ENO4: variants seen among roughly 807,000 people sequenced by gnomAD.
The protein encoded by ENO4 is 2-phospho-D-glycerate hydro-lyase.
ENO4 carries 53 observed loss-of-function variants against 63.2 expected under a neutral mutation model. The observed-to-expected ratio is 0.84, with a 90% CI of 0.67 to 1.05. The LOEUF is 1.05. Ranked by LOEUF, ENO4 falls within the 50% of genes least tolerant of loss-of-function variation. ENO4 has a pLI of 0.00. For synonymous variants in ENO4, 266 were observed against 283.8 expected (o/e 0.94, Z 0.63); for missense variants, 719 against 772.0 (o/e 0.93, Z 0.81).
At chr10:116,898,836 TAA>T (rs1226500811) in intron 10 of ENO4, among the ~76,000 whole-genome samples, 2 of 152,242 alleles carry the variant, frequency 1.3e-5, no homozygotes, top group Non-Finnish European at 2.9e-5. Flanking sequence ...AATTAAGCAT[TAA>T]AAGTGTTTCT....
In ENO4 at chr10:116,900,852, A is replaced by G. The variant is rs890712913; in HGVS notation, c.1195-10647A>G. On this transcript the variant is annotated intron_variant, in intron 10 of 10. Transcript: ENST00000369207. Reference sequence around the variant, plus strand: ...ATCAGCAAAGAAGGCCATTCATTCCAGAAGAGAAAAAAAAGTTAATAGTAG... The same window carrying G: ...ATCAGCAAAGAAGGCCATTCATTCCGGAAGAGAAAAAAAAGTTAATAGTAG... The G allele has an allele frequency of 1.9e-5, 19 of 985,294 alleles. No homozygotes were observed. The African/African-American group carries it at 3.1e-4, about 16-fold the overall frequency. 61.0% of individuals were successfully genotyped at this position (985,294 alleles called of 1,614,324 possible).
intron 1 of ENO4, chr10:116,850,026 G>T: frequency 1.8e-6 from 1 of 568,756 alleles, no homozygotes; most frequent in South Asian, 1.9e-5. Flanking sequence ...CGCTGCCTAA[G>T]AGGCCTCTCC....
At chr10:116,907,377 A>C (rs138756761) in intron 10 of ENO4, among the ~76,000 whole-genome samples, 1 of 152,288 alleles carries the variant, frequency 6.6e-6, no homozygotes, top group East Asian at 1.9e-4. Context: ...CCACATTCCT[A>C]ACACAGGAGA....
At chr10:116,905,237 G>A (rs991801647) in intron 10 of ENO4, among the ~76,000 whole-genome samples, 1 of 150,952 alleles carries the variant, frequency 6.6e-6, no homozygotes, top group Non-Finnish European at 1.5e-5. Flanking sequence ...AAATAGCAGT[G>A]TTTACATGAG....
In ENO4 at chr10:116,856,753, G is replaced by A. The variant is rs887837587; in HGVS notation, c.485+71G>A. 7 of 1,317,772 alleles carry A rather than the reference G, an allele frequency of 5.3e-6. No individual in the cohort carries two copies. The African/African-American group carries it at 7.5e-5, about 14-fold the overall frequency. 81.6% of individuals were successfully genotyped at this position (1,317,772 alleles called of 1,614,324 possible). A position where few individuals can be genotyped will look rare whatever the true frequency, so the allele number is the denominator to read the frequency against. Reference sequence around the variant, plus strand: ...ACAGTGGCTCACGCCTGTAATCCCAGCACTTTGGGAGGCCGAGGCGGGCAG... The same window carrying A: ...ACAGTGGCTCACGCCTGTAATCCCAACACTTTGGGAGGCCGAGGCGGGCAG... On this transcript the variant is annotated intron_variant, in intron 3 of 13. Transcript: ENST00000341276.
intron 10 of ENO4, among the ~76,000 whole-genome samples, chr10:116,874,560 T>G (rs1209778807): frequency 6.6e-6 from 1 of 152,212 alleles, no homozygotes; most frequent in Non-Finnish European, 1.5e-5. Flanking sequence ...TAGCTGGAGC[T>G]TCAATAGGTT....
downstream of ENO4, chr10:116,886,339 A>G: frequency 1.3e-6 from 2 of 1,552,664 alleles, no homozygotes; most frequent in Non-Finnish European, 1.7e-6. Flanking sequence ...CTTCTGGTTT[A>G]TGGATCAGCA....
At chr10:116,908,800 G>A (rs10886016) in intron 10 of ENO4, among the ~76,000 whole-genome samples, 44,835 of 152,000 alleles carry the variant, frequency 0.29, 6,934 homozygotes, top group East Asian at 0.52. Flanking sequence ...ATTCTTGACT[G>A]TAGTAAGCTA....
intron 10 of ENO4, among the ~76,000 whole-genome samples, chr10:116,889,666 CCT>C (rs1178202013): frequency 6.6e-6 from 1 of 152,182 alleles, no homozygotes; most frequent in Non-Finnish European, 1.5e-5. Flanking sequence ...CTCCTGTCTC[CCT>C]GTTTCTGCCT....
At chr10:116,900,716 A>G (rs1564865844) in intron 10 of ENO4, 1 of 983,616 alleles carries the variant, frequency 1.0e-6, no homozygotes, top group Admixed American at 6.1e-5. Context: ...GAATGAATAT[A>G]GATCATCTTT....
At chr10:116,879,149 A>G (rs1564853740) in intron 11 of ENO4, 142 bp from the exon 12 acceptor site, 1 of 588,262 alleles carries the variant, frequency 1.7e-6, no homozygotes, top group East Asian at 2.9e-5. Context: ...TAAAAATGCA[A>G]ACGTTAGAAT....
chr10:116,893,005 G>A (rs1340718065), intron 10 of ENO4, among the ~76,000 whole-genome samples: 2 of 152,156 alleles, frequency 1.3e-5, no homozygotes, highest in Non-Finnish European at 2.9e-5. Context: ...AATGTTAGAA[G>A]GCAATTAATT....
intron 10 of ENO4, among the ~76,000 whole-genome samples, chr10:116,894,186 A>G (rs1002019836): frequency 7.9e-5 from 12 of 152,244 alleles, no homozygotes; most frequent in African/African-American, 2.9e-4. Flanking sequence ...AATGGCCCAA[A>G]CAAGATGAAC....
At chr10:116,899,018 A>C (rs1239928738) in intron 10 of ENO4, among the ~76,000 whole-genome samples, 1 of 152,210 alleles carries the variant, frequency 6.6e-6, no homozygotes, top group African/African-American at 2.4e-5. Flanking sequence ...TTTCTGGTTA[A>C]GTGAAGATCT....
chr10:116,876,304 A>G (rs1846832356), intron 11 of ENO4, 44 bp downstream of exon 11: 19 of 1,431,340 alleles, frequency 1.3e-5, no homozygotes, highest in Non-Finnish European at 1.6e-5. Context: ...TGACTTGGTT[A>G]TACAAGAAAC....
chr10:116,871,816 G>C (rs1367678701), intron 9 of ENO4, among the ~76,000 whole-genome samples: 1 of 152,204 alleles, frequency 6.6e-6, no homozygotes, highest in African/African-American at 2.4e-5. Flanking sequence ...GGAGGACAGA[G>C]CTTTAGTGAT....
rs565271869 is a variant in ENO4, at chr10:116,855,671, G to A, written c.214G>A (p.Val72Met). 123 of 1,536,244 alleles carry A rather than the reference G, an allele frequency of 8.0e-5. No individual in the cohort carries two copies. Among genetic ancestry groups the A allele is most frequent in the Non-Finnish European group, 9.8e-5 (112 of 1,146,980 alleles). Residue 72 changes from valine to methionine, a missense_variant, in exon 2 of 14, where the codon GTG (valine) becomes ATG (methionine). By Grantham distance (21) the Val-to-Met change is conservative. Transcript: ENST00000341276. ...AAAGCCTCCCACCATATGCAAAATAGTGGGGAAAGACGTACTAGATGGACT... is the reference window on the plus strand; with the variant it reads ...AAAGCCTCCCACCATATGCAAAATAATGGGGAAAGACGTACTAGATGGACT... ...LAKPPTICKI[V>M]GKDVLDGLGL... is the part of the protein sequence containing the mutation.
chr10:116,871,431 AAT>A (rs1846693292), intron 9 of ENO4, 139 bp downstream of exon 9: 1 of 809,678 alleles, frequency 1.2e-6, no homozygotes, highest in Non-Finnish European at 1.8e-6. Flanking sequence ...GAAGGATCCA[AAT>A]ATAATGAGAA....
intron 10 of ENO4, among the ~76,000 whole-genome samples, chr10:116,894,192 T>C (rs1184957703): frequency 1.3e-5 from 2 of 152,176 alleles, no homozygotes; most frequent in African/African-American, 4.8e-5. Context: ...CCAAACAAGA[T>C]GAACTCTTAC....
Sources: allele counts gnomAD v4.1 joint callset (sites outside exome capture counted in the v4.1 genomes callset), GRCh38; gene constraint gnomAD v4.1.1; transcripts MANE v1.5; gene names NCBI Gene and HGNC (gene_info 2026-07-23, HGNC 2026-07-21).